Variants in CDK6 observed in about 807,000 individuals in gnomAD.
CDK6 encodes the protein cyclin dependent kinase 6.
Under a neutral mutation model 37.1 loss-of-function variants are expected in CDK6, and 6 were observed. The ratio of observed to expected loss-of-function variants is 0.16; its 90% confidence interval spans 0.09 to 0.32. The LOEUF (loss-of-function observed/expected upper bound fraction) is 0.32. CDK6 is among the 10% of genes least tolerant of loss of function. CDK6 has a pLI of 1.00. For missense variants in CDK6, 224 were observed against 418.9 expected, an observed-to-expected ratio of 0.53 and a Z score of 4.06; for synonymous variants, 160 against 161.3, an observed-to-expected ratio of 0.99 and a Z score of 0.06.
At chr7:92,802,295 C>T (rs1800600649) in intron 2 of CDK6, among the ~76,000 whole-genome samples, 1 of 152,044 alleles carries the variant, frequency 6.6e-6, no homozygotes, top group Non-Finnish European at 1.5e-5. Context: ...TAAAAACTAT[C>T]AAGTATTCTT....
chr7:92,615,413 A>G lies in CDK6; in HGVS notation c.835-127T>C, dbSNP rs1441649770. Reference sequence around the variant, plus strand: ...CTACAGTGGGAATGAGTATTTATTTAAAGGGACACTAAATAATATGGAGAC... The same window carrying G: ...CTACAGTGGGAATGAGTATTTATTTGAAGGGACACTAAATAATATGGAGAC... On this transcript the variant is annotated intron_variant, in intron 7 of 7. Coordinates refer to ENST00000424848, the MANE Select transcript of CDK6 (RefSeq NM_001145306.2). The G allele has an allele frequency of 1.5e-5, 11 of 716,112 alleles. No individual in the cohort carries two copies. The African/African-American group carries it at 2.0e-4, about 13-fold the overall frequency. The allele number at this position is 716,112 out of a possible 1,614,324, so 44.4% of individuals were successfully genotyped here.
At chr7:92,715,173 C>T (rs180848888) in intron 4 of CDK6, among the ~76,000 whole-genome samples, 29 of 151,902 alleles carry the variant, frequency 1.9e-4, no homozygotes, top group African/African-American at 6.8e-4. Flanking sequence ...TATTAAAAAT[C>T]GAAATGGGAA....
rs748195954 is a variant in CDK6 at position 92,716,381 on chromosome 7, C to T, written c.537+9245G>A. 6.6e-5 allele frequency among the ~76,000 whole-genome samples: 10 copies of T among 152,182 alleles called. 1 individual carries two copies. Among genetic ancestry groups the T allele is most frequent in the South Asian group, 2.1e-4 (1 of 4,828 alleles). On this transcript the variant is annotated intron_variant, in intron 4 of 7. Transcript: ENST00000424848. ...GCTTCAAAAAACTTTGTATGCCATG[C>T]TGTAGAGTTACAGTTCATTCTCTAG...
chr7:92,793,879 T>A (rs1422255051), intron 2 of CDK6, among the ~76,000 whole-genome samples: 1 of 152,082 alleles, frequency 6.6e-6, no homozygotes, highest in Non-Finnish European at 1.5e-5. Context: ...AAGTGGGGAA[T>A]GGCTGCTAAT....
intron 2 of CDK6, among the ~76,000 whole-genome samples, chr7:92,776,832 G>A (rs1229362886): frequency 1.3e-5 from 2 of 151,970 alleles, no homozygotes; most frequent in South Asian, 4.2e-4. Context: ...TGGATAGATT[G>A]CAAAAATTTT....
intron 2 of CDK6, among the ~76,000 whole-genome samples, chr7:92,791,473 C>T (rs1003062100): frequency 6.6e-6 from 1 of 152,070 alleles, no homozygotes; most frequent in East Asian, 1.9e-4. Flanking sequence ...CTAATTGCAT[C>T]ACAGATGATG....
chr7:92,631,303 C>T (rs1301630840), intron 5 of CDK6, among the ~76,000 whole-genome samples: 1 of 152,056 alleles, frequency 6.6e-6, no homozygotes, highest in African/African-American at 2.4e-5. Flanking sequence ...TGGTTGGTCA[C>T]CCTATCCAGG....
chr7:92,702,852 G>A (rs750065025), intron 4 of CDK6, among the ~76,000 whole-genome samples: 1 of 152,086 alleles, frequency 6.6e-6, no homozygotes, highest in Non-Finnish European at 1.5e-5. Context: ...TCTCAATCTG[G>A]GCACTTTTGG....
intron 4 of CDK6, among the ~76,000 whole-genome samples, chr7:92,685,340 T>A (rs1055559914): frequency 6.6e-6 from 1 of 152,214 alleles, no homozygotes; most frequent in African/African-American, 2.4e-5. Context: ...TCACCTAGAC[T>A]CAGGGACTCA....
intron 2 of CDK6, among the ~76,000 whole-genome samples, chr7:92,832,154 T>TA (rs1801502358): frequency 6.6e-6 from 1 of 152,184 alleles, no homozygotes; most frequent in Admixed American, 6.5e-5. Context: ...CATCTCTGTT[T>TA]AAAAAAGAAA....
intron 4 of CDK6, among the ~76,000 whole-genome samples, chr7:92,708,779 T>C (rs889832726): frequency 6.6e-6 from 1 of 152,210 alleles, no homozygotes; most frequent in Non-Finnish European, 1.5e-5. Context: ...AGATGTCATA[T>C]AGAGATTCTT....
intron 3 of CDK6, among the ~76,000 whole-genome samples, chr7:92,747,858 T>C (rs572644745): frequency 6.6e-6 from 1 of 152,136 alleles, no homozygotes; most frequent in African/African-American, 2.4e-5. Context: ...TAAAACTAGG[T>C]TGTATTTCTT....
intron 4 of CDK6, among the ~76,000 whole-genome samples, chr7:92,716,972 A>G (rs2116692523): frequency 6.6e-6 from 1 of 152,292 alleles, no homozygotes; most frequent in South Asian, 2.1e-4. Flanking sequence ...GGTCTCATTA[A>G]TCTTAAGACA....
intron 4 of CDK6, among the ~76,000 whole-genome samples, chr7:92,706,799 T>C (rs748702525): frequency 6.6e-6 from 1 of 152,242 alleles, no homozygotes; most frequent in Non-Finnish European, 1.5e-5. Context: ...GATTCATTCT[T>C]AGATTCTCAG....
At chr7:92,616,667 G>A (rs1007755264) in intron 7 of CDK6, among the ~76,000 whole-genome samples, 2 of 152,126 alleles carry the variant, frequency 1.3e-5, no homozygotes, top group African/African-American at 4.8e-5. Context: ...TTAGGTAGTG[G>A]CATTTAATCT....
At chr7:92,656,550 T>C (rs1419249046) in intron 5 of CDK6, among the ~76,000 whole-genome samples, 2 of 152,254 alleles carry the variant, frequency 1.3e-5, no homozygotes, top group African/African-American at 2.4e-5. Flanking sequence ...AGTTATTTAC[T>C]ATATTTATTA....
intron 4 of CDK6, among the ~76,000 whole-genome samples, chr7:92,701,310 T>C (rs185235581): frequency 1.3e-5 from 2 of 152,344 alleles, no homozygotes; most frequent in African/African-American, 4.8e-5. Context: ...GATGCACTGA[T>C]GGAATTCACA....
rs529810194 is a variant in CDK6, at chr7:92,621,929, G to T, written c.698+1107C>A. Among the ~76,000 whole-genome samples the T allele has an allele frequency of 1.3e-4, 19 of 151,968 alleles. No individual in the cohort carries two copies. In the South Asian group the frequency reaches 3.7e-3, roughly 30 times the overall value. On this transcript the variant is annotated intron_variant, in intron 6 of 7. Transcript: ENST00000424848. ...CTAGTCACTAAAAGAACAAAATCAG[G>T]TTCCAGTTTTATTAACTGTTTTAAG...
intron 2 of CDK6, among the ~76,000 whole-genome samples, chr7:92,780,763 C>CAAAAAAAAAAAAAAAAA (rs1190033630): frequency 2.1e-5 from 1 of 47,890 alleles, no homozygotes; most frequent in African/African-American, 8.2e-5. Context: ...GACTCCATCT[C>CAAAAAAAAAAAAAAAAA]AAAAAAAAAA....
Sources: allele counts gnomAD v4.1 joint callset (sites outside exome capture counted in the v4.1 genomes callset), GRCh38; gene constraint gnomAD v4.1.1; transcripts MANE v1.5; gene names NCBI Gene and HGNC (gene_info 2026-07-23, HGNC 2026-07-21).